MCC: variants seen among roughly 807,000 people sequenced by gnomAD.
MCC encodes the protein MCC regulator of Wnt signaling pathway, also known as colorectal mutant cancer protein.
Under a neutral mutation model 116.2 loss-of-function variants are expected in MCC, and 90 were observed. That is an observed-to-expected ratio of 0.77 (90% CI 0.65 to 0.92). The LOEUF (loss-of-function observed/expected upper bound fraction) is 0.92. Among genes scored for constraint, MCC ranks in the 40% least tolerant of loss-of-function variants. The pLI is 0.00. For synonymous variants in MCC, 578 were observed against 510.5 expected (o/e 1.13, Z -1.78); for missense variants, 1,516 against 1,312.2 (o/e 1.16, Z -2.40).
chr5:113,080,812 C>CAA (rs1236992447), intron 11 of MCC, among the ~76,000 whole-genome samples: 2 of 111,166 alleles, frequency 1.8e-5, no homozygotes, highest in African/African-American at 7.7e-5. Context: ...TTAACAACAA[C>CAA]AACAAAAAAA....
intron 1 of MCC, among the ~76,000 whole-genome samples, chr5:113,423,424 C>T (rs77026073): frequency 6.6e-6 from 1 of 152,134 alleles, no homozygotes; most frequent in African/African-American, 2.4e-5. Context: ...CCTGGGCTCA[C>T]AAGAATCTAA....
At chr5:113,196,313 G>A (rs548291034) in intron 3 of MCC, among the ~76,000 whole-genome samples, 2 of 152,314 alleles carry the variant, frequency 1.3e-5, no homozygotes, top group South Asian at 4.1e-4. Context: ...TGCCCAGGAG[G>A]TTAGCAGGTG....
chr5:113,139,048 A>G (rs1759021121), intron 5 of MCC, among the ~76,000 whole-genome samples: 1 of 152,124 alleles, frequency 6.6e-6, no homozygotes, highest in Non-Finnish European at 1.5e-5. Context: ...GCCCATTTAT[A>G]TCAGTTCTAG....
At chr5:113,472,553 A>T (rs749385122) in intron 1 of MCC, among the ~76,000 whole-genome samples, 12 of 152,238 alleles carry the variant, frequency 7.9e-5, no homozygotes, top group South Asian at 2.1e-4. Flanking sequence ...TGAATGTTTA[A>T]CAATAATAAT....
chr5:113,238,613 T>C (rs1231005623), intron 3 of MCC, among the ~76,000 whole-genome samples: 1 of 152,222 alleles, frequency 6.6e-6, no homozygotes, highest in Non-Finnish European at 1.5e-5. Context: ...TGAAGGCTGT[T>C]AATGCTGAGT....
intron 1 of MCC, among the ~76,000 whole-genome samples, chr5:113,397,158 TC>T (rs1485752666): frequency 6.6e-6 from 1 of 152,094 alleles, no homozygotes; most frequent in Non-Finnish European, 1.5e-5. Context: ...AAAGGGAAAA[TC>T]AATTCCAACA....
chr5:113,033,204 C>G (rs2161244), intron 17 of MCC, among the ~76,000 whole-genome samples: 132,564 of 152,272 alleles, frequency 0.87, 58,000 homozygotes, highest in African/African-American at 0.97. Flanking sequence ...AAGTAGGTTT[C>G]GGTTGAGACC....
At chr5:113,195,451 C>A (rs2150315759) in intron 3 of MCC, among the ~76,000 whole-genome samples, 1 of 152,256 alleles carries the variant, frequency 6.6e-6, no homozygotes, top group African/African-American at 2.4e-5. Context: ...TTTCTCATCT[C>A]TTCGTATGAC....
At chr5:113,103,143 T>C (rs990711277) in intron 7 of MCC, among the ~76,000 whole-genome samples, 6 of 151,814 alleles carry the variant, frequency 4.0e-5, no homozygotes, top group African/African-American at 1.5e-4. Context: ...ATAAAAAGAA[T>C]AAAGAAAAGA....
intron 1 of MCC, among the ~76,000 whole-genome samples, chr5:113,393,323 A>G (rs1450208262): frequency 2.6e-5 from 4 of 152,228 alleles, no homozygotes; most frequent in African/African-American, 4.8e-5. Context: ...TCTAACATAT[A>G]TATAAAGCCG....
At chr5:113,412,635 T>C (rs1392986612) in intron 1 of MCC, among the ~76,000 whole-genome samples, 8 of 152,242 alleles carry the variant, frequency 5.3e-5, no homozygotes, top group Non-Finnish European at 7.3e-5. Flanking sequence ...TACTGAGACG[T>C]TGCTGAAGTT....
At chr5:113,294,835 G>C (rs1306721439) in intron 3 of MCC, 1 of 986,040 alleles carries the variant, frequency 1.0e-6, no homozygotes, top group Admixed American at 6.1e-5. Context: ...GTGGGGCGAG[G>C]AAGATCCGCG....
chr5:113,482,536 T>C (rs1177762006), intron 1 of MCC, among the ~76,000 whole-genome samples: 1 of 152,222 alleles, frequency 6.6e-6, no homozygotes, highest in Non-Finnish European at 1.5e-5. Context: ...TTCGTGTGCA[T>C]ATTGGCTATG....
chr5:113,191,204 G>A (rs1254808940), intron 3 of MCC, among the ~76,000 whole-genome samples: 1 of 152,198 alleles, frequency 6.6e-6, no homozygotes, highest in Non-Finnish European at 1.5e-5. Flanking sequence ...TCCAATGTTA[G>A]AAGTGGGAAA....
At chr5:113,437,935 T>G (rs1770909735) in intron 1 of MCC, among the ~76,000 whole-genome samples, 2 of 152,156 alleles carry the variant, frequency 1.3e-5, no homozygotes. Context: ...GCTCCTTCAG[T>G]GCCATGTGGG....
At chr5:113,147,568 T>C (rs1208941782) in intron 4 of MCC, among the ~76,000 whole-genome samples, 2 of 152,196 alleles carry the variant, frequency 1.3e-5, no homozygotes, top group Non-Finnish European at 2.9e-5. Flanking sequence ...TTAGTACCAC[T>C]CTCTTTTAAA....
intron 3 of MCC, among the ~76,000 whole-genome samples, chr5:113,192,218 T>C (rs1762183571): frequency 6.6e-6 from 1 of 152,186 alleles, no homozygotes; most frequent in Non-Finnish European, 1.5e-5. Context: ...AGACAATACC[T>C]GAAATGTTTT....
chr5:113,048,539 A>C (rs905839548), intron 16 of MCC: 4 of 153,730 alleles, frequency 2.6e-5, no homozygotes, highest in African/African-American at 9.6e-5. Context: ...AAAGTGCAAC[A>C]TTAATGATGC....
chr5:113,454,449 G>A (rs1771486094), intron 1 of MCC, among the ~76,000 whole-genome samples: 1 of 152,148 alleles, frequency 6.6e-6, no homozygotes, highest in Non-Finnish European at 1.5e-5. Context: ...TAGCAGAATT[G>A]AGAGCCCAAG....
Sources: gnomAD v4.1 joint callset for allele counts (sites outside exome capture counted in the v4.1 genomes callset) on GRCh38, gnomAD v4.1.1 for gene constraint, MANE v1.5 for transcripts, NCBI Gene and HGNC (gene_info 2026-07-23, HGNC 2026-07-21) for gene names.